The following PAX6 variants were observed in gnomAD, a reference collection of about 807,000 sequenced individuals.
PAX6 encodes paired box 6, also known as paired box protein Pax-6.
A neutral mutation model predicts 60.7 loss-of-function variants in PAX6; 7 were observed. The ratio of observed to expected loss-of-function variants is 0.12; its 90% CI spans 0.07 to 0.22. The LOEUF is 0.22. PAX6 is among the 10% of genes least tolerant of loss of function. PAX6 has a pLI of 1.00. For synonymous variants in PAX6, 208 were observed against 201.2 expected (o/e 1.03, Z -0.29); for missense variants, 355 against 555.2 (o/e 0.64, Z 3.62).
upstream of PAX6, chr11:31,814,347 C>G (rs1220861799): frequency 6.6e-6 from 1 of 152,364 alleles, no homozygotes; most frequent in Non-Finnish European, 1.5e-5. Context: ...GCACCGATCC[C>G]TGGCATTCCC....
rs1565182766 is a variant in PAX6 at position 31,790,018 on chromosome 11, T to A, written c.1227A>T (p.Gly409=). The A allele has an allele frequency of 1.3e-6, 2 of 1,543,522 alleles. No individual in the cohort carries two copies. Among genetic ancestry groups the A allele is most frequent in the Non-Finnish European group, 1.7e-6 (2 of 1,147,058 alleles). ...GAACTGACACACCAGGGGAAATGAG[T>A]CCTAGAAGTGGATGAAAGAAATAGC... ...PMGTSGTTST[G]LISPGVSVPV... Residue 409 remains glycine, a splice_region_variant and synonymous_variant, in exon 14 of 14, where the codon GGA becomes GGT. Coordinates refer to ENST00000640368, the MANE Select transcript of PAX6 (RefSeq NM_001368894.2).
At chr11:31,816,585 G>C (rs1230555946) in intron 1 of PAX6, 1 of 702,492 alleles carries the variant, frequency 1.4e-6, no homozygotes, top group African/African-American at 1.7e-5. Context: ...CAGGCGACCT[G>C]CTCGCCGCCC....
chr11:31,802,455 C>T (rs1282174196), intron 5 of PAX6: 4 of 473,426 alleles, frequency 8.4e-6, no homozygotes, highest in African/African-American at 7.8e-5. Context: ...TAAAAAAATC[C>T]GCACACAATA....
chr11:31,804,198 G>A (rs1232210609), intron 4 of PAX6: 1 of 152,254 alleles, frequency 6.6e-6, no homozygotes, highest in Admixed American at 6.5e-5. Flanking sequence ...GAAATAGGCG[G>A]AAGTCGCTCC....
chr11:31,814,282 A>T (rs1028846333), upstream of PAX6: 2 of 152,218 alleles, frequency 1.3e-5, no homozygotes, highest in African/African-American at 4.8e-5. Flanking sequence ...GAGCCTGCCC[A>T]GAGCTTCTAG....
intron 8 of PAX6, 69 bp from the exon 9 acceptor site, chr11:31,794,857 G>GT: frequency 6.8e-7 from 1 of 1,461,720 alleles, no homozygotes; most frequent in South Asian, 1.1e-5. Context: ...GGGGCCTGGT[G>GT]TAGTCTTAAA....
At chr11:31,816,352 G>T (rs779693915) in intron 1 of PAX6, 18 of 560,798 alleles carry the variant, frequency 3.2e-5, no homozygotes, top group Admixed American at 1.6e-4. Flanking sequence ...GGCGCCCTCC[G>T]ATCACGAAGG....
At chr11:31,796,697 A>G (rs897522760) in intron 8 of PAX6, among the ~76,000 whole-genome samples, 3 of 151,920 alleles carry the variant, frequency 2.0e-5, no homozygotes, top group Non-Finnish European at 4.4e-5. Flanking sequence ...GAAGGCTCAA[A>G]AAACATAGAG....
chr11:31,801,839 T>C (rs1330005553), intron 6 of PAX6, 32 bp downstream of exon 6: 2 of 1,614,102 alleles, frequency 1.2e-6, no homozygotes, highest in East Asian at 2.2e-5. Flanking sequence ...AATAAAATTG[T>C]TTAAGTATGC....
In PAX6 at chr11:31,811,147, A is replaced by C; in HGVS notation, c.-349T>G. On this transcript the variant is annotated 5_prime_UTR_variant, in exon 1 of 14. Coordinates refer to ENST00000640368, the MANE Select transcript of PAX6 (RefSeq NM_001368894.2). ...GATTGGTGATGGCTCAAGTGTGTTAATGTGTGTGTGCCGGCGCCCGGCCTC... is the reference window on the plus strand; with the variant it reads ...GATTGGTGATGGCTCAAGTGTGTTACTGTGTGTGTGCCGGCGCCCGGCCTC... 2.5e-6 allele frequency: 1 copy of C among 399,246 alleles called. No individual in the cohort carries two copies. Among genetic ancestry groups the C allele is most frequent in the Non-Finnish European group, 4.4e-6 (1 of 226,314 alleles). 24.7% of individuals were successfully genotyped at this position (399,246 alleles called of 1,614,324 possible). A position where few individuals can be genotyped will look rare whatever the true frequency, so the allele number is the denominator to read the frequency against.
chr11:31,813,374 G>A (rs1302987310), upstream of PAX6, among the ~76,000 whole-genome samples: 1 of 124,416 alleles, frequency 8.0e-6, no homozygotes, highest in Non-Finnish European at 1.7e-5. Context: ...CATGAGCGAG[G>A]GACTTGCGGG....
At chr11:31,806,528 G>A (rs547260954) in intron 3 of PAX6, 66 bp from the exon 4 acceptor site, 34 of 1,242,128 alleles carry the variant, frequency 2.7e-5, no homozygotes, top group Non-Finnish European at 3.7e-5. Context: ...ACTCCCAACC[G>A]AGGTGGACCT....
chr11:31,794,655 T>C lies in PAX6; in HGVS notation c.699A>G (p.Gln233=), dbSNP rs539046948. 63 of 1,614,232 alleles carry C rather than the reference T, an allele frequency of 3.9e-5. No homozygotes were observed. In the South Asian group the frequency reaches 5.9e-4, roughly 15 times the overall value. Residue 233 remains glutamine, a synonymous_variant, in exon 9 of 14, where the codon CAA becomes CAG. Transcript: ENST00000640368. ...KLQRNRTSFT[Q]EQIEALEKEF... The stretch of plus-strand genomic sequence containing the variant: ...CTTTCTCCAGGGCCTCAATTTGCTC[T>C]TGGGTAAAGGATGTTCTATTTCTTT...
chr11:31,793,490 C>T lies in PAX6; in HGVS notation c.1022G>A (p.Ser341Asn). The change falls in exon 12 of 14, where the codon AGC becomes AAC. Residue 341 changes from serine (S) to asparagine (N), a missense_variant. Around this residue, in one of 5 missense-constraint regions of PAX6, gnomAD observed 149 missense variants for 191.9 expected, o/e 0.78. Transcript: ENST00000640368. Reference protein sequence around the residue: ...RTDTALTNTYSALPPMPSFTM... With the variant: ...RTDTALTNTYNALPPMPSFTM... The stretch of plus-strand genomic sequence containing the variant: ...GAAGCTGGGCATAGGCGGCAGAGCG[C>T]TGTAGGTGTTTGTGAGGGCTGTGTC... 3.1e-6 allele frequency: 5 copies of T among 1,614,224 alleles called. No individual in the cohort carries two copies. The highest frequency in any genetic ancestry group is 4.2e-6 in the Non-Finnish European group (5 of 1,180,048).
At chr11:31,791,058 C>A in intron 12 of PAX6, 198 bp from the exon 13 acceptor site, 2 of 700,540 alleles carry the variant, frequency 2.9e-6, no homozygotes, top group Non-Finnish European at 5.1e-6. Flanking sequence ...TAGAAGAAAG[C>A]TGCCTATGTA....
chr11:31,802,653 G>C, intron 5 of PAX6, 51 bp downstream of exon 5: 1 of 1,585,306 alleles, frequency 6.3e-7, no homozygotes, highest in Non-Finnish European at 8.6e-7. Context: ...AGAGGGCGTT[G>C]AGAGTGGAGG....
upstream of PAX6, chr11:31,814,401 C>T (rs1350179063): frequency 6.6e-6 from 1 of 152,386 alleles, no homozygotes; most frequent in African/African-American, 2.4e-5. Flanking sequence ...AAGAAGTGCC[C>T]ACTTCTGGGG....
rs760926425 is a variant in PAX6, at chr11:31,800,851, T to C, written c.405A>G (p.Ser135=). 1.5e-5 allele frequency: 25 copies of C among 1,614,170 alleles called. No homozygotes were observed. In the South Asian group the frequency reaches 2.2e-4, roughly 14 times the overall value. The change falls in exon 8 of 14, where the codon TCA becomes TCG. Residue 135 remains serine, a synonymous_variant. Coordinates refer to ENST00000640368, the MANE Select transcript of PAX6 (RefSeq NM_001368894.2). Reference sequence around the variant, plus strand: ...GGTTGCGAAGAACTCTGTTTATTGATGACACCTGCAAATCAAACCAAAATC... The same window carrying C: ...GGTTGCGAAGAACTCTGTTTATTGACGACACCTGCAAATCAAACCAAAATC... ...VCTNDNIPSV[S]SINRVLRNLA...
chr11:31,816,790 G>A (rs903452500), intron 1 of PAX6, among the ~76,000 whole-genome samples: 1 of 152,246 alleles, frequency 6.6e-6, no homozygotes, highest in African/African-American at 2.4e-5. Flanking sequence ...CTAGAAAGGG[G>A]GCGCAGGAGC....
Sources: allele counts gnomAD v4.1 joint callset (sites outside exome capture counted in the v4.1 genomes callset), GRCh38; gene constraint gnomAD v4.1.1; regional missense constraint gnomAD v4.1.1; transcripts MANE v1.5; gene names NCBI Gene and HGNC (gene_info 2026-07-23, HGNC 2026-07-21).